Variants in FOXP1 observed in about 807,000 individuals in gnomAD.
The protein encoded by FOXP1 is forkhead box P1.
In FOXP1, 15 loss-of-function variants were observed where a neutral mutation model predicts 98.2. The ratio of observed to expected loss-of-function variants is 0.15; its 90% CI spans 0.10 to 0.24. The LOEUF is 0.24. Among genes scored for constraint, FOXP1 ranks in the 10% least tolerant of loss-of-function variants. FOXP1 has a pLI of 1.00. For synonymous variants in FOXP1, 371 were observed against 314.5 expected, an observed-to-expected ratio of 1.18 and a Z score of -1.90; for missense variants, 633 against 848.5, an observed-to-expected ratio of 0.75 and a Z score of 3.15.
chr3:71,580,854 G>A lies in FOXP1; in HGVS notation c.-298+695C>T. The A allele has an allele frequency of 4.1e-6, 4 of 985,268 alleles. No homozygotes were observed. In the South Asian group the frequency reaches 1.4e-4, roughly 35 times the overall value. The allele number at this position is 985,268 out of a possible 1,614,324, so 61.0% of individuals were successfully genotyped here. ...GTGTAGACGGTTTGAATGTACAGAT[G>A]CCTTTCAAAGGGAATCCAGAATGCT... On this transcript the variant is annotated intron_variant, in intron 2 of 20. Transcript: ENST00000649528.
intron 5 of FOXP1, among the ~76,000 whole-genome samples, chr3:71,274,433 T>A (rs1438121732): frequency 6.6e-6 from 1 of 151,856 alleles, no homozygotes; most frequent in African/African-American, 2.4e-5. Flanking sequence ...AAGGATGGAG[T>A]TGCTGGAGCT....
intron 4 of FOXP1, among the ~76,000 whole-genome samples, chr3:71,341,881 T>C (rs1265685749): frequency 3.3e-5 from 5 of 152,248 alleles, no homozygotes; most frequent in Admixed American, 3.3e-4. Flanking sequence ...TTATCTGGAA[T>C]GTTTCAAAGT....
At chr3:71,023,855 T>G (rs142761360) in intron 11 of FOXP1, among the ~76,000 whole-genome samples, 2 of 152,354 alleles carry the variant, frequency 1.3e-5, no homozygotes, top group African/African-American at 2.4e-5. Context: ...GAATGAAATA[T>G]GCTCAGTCAC....
At chr3:71,468,910 T>C (rs952729295) in intron 3 of FOXP1, among the ~76,000 whole-genome samples, 5 of 152,182 alleles carry the variant, frequency 3.3e-5, no homozygotes, top group African/African-American at 9.7e-5. Flanking sequence ...ATGTGGGTGC[T>C]TGAGCAAGAC....
chr3:71,309,668 C>G (rs1241385943), intron 4 of FOXP1, among the ~76,000 whole-genome samples: 1 of 152,190 alleles, frequency 6.6e-6, no homozygotes, highest in Non-Finnish European at 1.5e-5. Flanking sequence ...AGCAAATTTA[C>G]ACAATGCAGT....
intron 7 of FOXP1, among the ~76,000 whole-genome samples, chr3:71,079,949 G>A (rs1442881871): frequency 6.6e-6 from 1 of 152,226 alleles, no homozygotes; most frequent in Non-Finnish European, 1.5e-5. Context: ...CTGTTACACA[G>A]AACCAGCATT....
At chr3:71,150,510 G>A (rs1315971486) in intron 6 of FOXP1, among the ~76,000 whole-genome samples, 1 of 151,858 alleles carries the variant, frequency 6.6e-6, no homozygotes, top group Non-Finnish European at 1.5e-5. Context: ...CCTGAAACTC[G>A]ATACTTATCT....
chr3:71,230,407 G>A (rs1226436306), intron 5 of FOXP1, among the ~76,000 whole-genome samples: 1 of 152,142 alleles, frequency 6.6e-6, no homozygotes, highest in Non-Finnish European at 1.5e-5. Flanking sequence ...CTCAGAGGTA[G>A]TACTGTGTGT....
intron 13 of FOXP1, among the ~76,000 whole-genome samples, 153 bp downstream of exon 13, chr3:71,000,794 AAAAATAAAATAAAATAAAATAAAAT>A (rs59993750): frequency 1.6e-4 from 20 of 122,140 alleles, no homozygotes; most frequent in Admixed American, 9.4e-4. Context: ...CAAAGAGGTA[AAAAATAAAATAAAATAAAATAAAAT>A]AAAATAAAAT....
chr3:71,222,575 C>T lies in FOXP1; in HGVS notation c.-11-24183G>A, dbSNP rs28611101. The stretch of plus-strand genomic sequence containing the variant: ...CTGGGATTACAGGTGCCCGCCACCA[C>T]GCCTGGCTACCTTTTGTATGTTTCG... On this transcript the variant is annotated intron_variant, in intron 5 of 20. Transcript: ENST00000649528. Among the ~76,000 whole-genome samples the T allele has an allele frequency of 2.9e-3, 435 of 152,182 alleles. 3 individuals carry two copies. Among genetic ancestry groups the T allele is most frequent in the African/African-American group, 0.01 (424 of 41,540 alleles).
At chr3:71,466,666 T>C (rs2088777065) in intron 3 of FOXP1, among the ~76,000 whole-genome samples, 1 of 151,160 alleles carries the variant, frequency 6.6e-6, no homozygotes, top group Non-Finnish European at 1.5e-5. Context: ...GGAGGCGGAG[T>C]CTGATGCTGA....
At chr3:71,008,045 A>G (rs935694556) in intron 12 of FOXP1, among the ~76,000 whole-genome samples, 6 of 152,210 alleles carry the variant, frequency 3.9e-5, no homozygotes, top group Admixed American at 3.3e-4. Context: ...CTTTTCAAAT[A>G]GGATACTAAG....
At chr3:71,497,151 C>T (rs2091476154) in intron 2 of FOXP1, among the ~76,000 whole-genome samples, 1 of 151,664 alleles carries the variant, frequency 6.6e-6, no homozygotes, top group African/African-American at 2.4e-5. Context: ...TTCCACAGTA[C>T]AGAGGCAAAA....
chr3:71,042,111 C>T (rs1052185556), intron 10 of FOXP1, among the ~76,000 whole-genome samples: 9 of 152,066 alleles, frequency 5.9e-5, no homozygotes, highest in Admixed American at 5.9e-4. Context: ...ACCTATCTTC[C>T]TCATTAATTT....
intron 12 of FOXP1, among the ~76,000 whole-genome samples, chr3:71,006,374 C>G (rs2042813498): frequency 6.6e-6 from 1 of 152,048 alleles, no homozygotes; most frequent in Admixed American, 6.6e-5. Context: ...TGGCTAAATT[C>G]CAACACACAA....
At chr3:71,166,519 A>T (rs1484113988) in intron 6 of FOXP1, among the ~76,000 whole-genome samples, 1 of 152,160 alleles carries the variant, frequency 6.6e-6, no homozygotes, top group Non-Finnish European at 1.5e-5. Context: ...TGTTTGGCCC[A>T]TCTGTTTAAA....
intron 7 of FOXP1, among the ~76,000 whole-genome samples, chr3:71,054,138 G>T (rs1449316533): frequency 6.6e-6 from 1 of 152,162 alleles, no homozygotes; most frequent in African/African-American, 2.4e-5. Flanking sequence ...AATTTTGTTT[G>T]AGAGAAGACA....
chr3:71,300,409 C>G (rs919354100), intron 4 of FOXP1, among the ~76,000 whole-genome samples: 1 of 152,102 alleles, frequency 6.6e-6, no homozygotes, highest in Non-Finnish European at 1.5e-5. Context: ...TAATTGCTGG[C>G]GAAAGCTGTT....
At chr3:71,130,058 G>T (rs907800422) in intron 6 of FOXP1, among the ~76,000 whole-genome samples, 2 of 152,172 alleles carry the variant, frequency 1.3e-5, no homozygotes. Context: ...TGACGGTGTC[G>T]TGATGCAAAC....
Sources: allele counts gnomAD v4.1 joint callset (sites outside exome capture counted in the v4.1 genomes callset), GRCh38; gene constraint gnomAD v4.1.1; transcripts MANE v1.5; gene names NCBI Gene and HGNC (gene_info 2026-07-23, HGNC 2026-07-21).